DDX25: variants seen among roughly 807,000 people sequenced by gnomAD.
DDX25 encodes ATP-dependent RNA helicase DDX25.
Under a neutral mutation model 64.6 loss-of-function variants are expected in DDX25, and 70 were observed. The observed-to-expected ratio is 1.08, with a 90% confidence interval of 0.89 to 1.32. The LOEUF (loss-of-function observed/expected upper bound fraction) is 1.32. Among genes scored for constraint, DDX25 ranks in the 40% most tolerant of loss-of-function variants. The probability of loss-of-function intolerance (pLI) is 0.00; values close to 1 mark genes in which losing one functional copy is unlikely to be tolerated. For synonymous variants in DDX25, 211 were observed against 213.3 expected, an observed-to-expected ratio of 0.99 and a Z score of 0.09; for missense variants, 587 against 604.4, an observed-to-expected ratio of 0.97 and a Z score of 0.30.
intron 1 of DDX25, 43 bp downstream of exon 1, chr11:125,904,623 G>GCTCC (rs1237276035): frequency 1.4e-6 from 2 of 1,420,114 alleles, no homozygotes; most frequent in Admixed American, 5.5e-5. Context: ...CGGGGGTGGA[G>GCTCC]CTCCCACTCG....
At position 125,908,199 on chromosome 11, in the gene DDX25, G is replaced by T; in HGVS notation, c.315G>T (p.Lys105Asn). Residue 105 changes from lysine (K) to asparagine (N), a missense_variant, in exon 5 of 12, where the codon AAG becomes AAT. Transcript: ENST00000263576. ...GTTTGATTTTTTTTTTTGACAGAAA[G>T]GAAGAGTTACTAAAAGGAATCTATG... ...SVKTFEELRL[K>N]EELLKGIYAM... 2 of 1,599,120 alleles carry T rather than the reference G, an allele frequency of 1.3e-6. No individual in the cohort carries two copies. Among genetic ancestry groups the T allele is most frequent in the African/African-American group, 1.3e-5 (1 of 74,580 alleles).
chr11:125,911,192 C>A, intron 7 of DDX25, 119 bp from the exon 8 acceptor site: 1 of 1,002,962 alleles, frequency 1.0e-6, no homozygotes. Flanking sequence ...GGGGTTTCCA[C>A]TTGGAAAATT....
At chr11:125,911,169 C>A in intron 7 of DDX25, 142 bp from the exon 8 acceptor site, 1 of 767,836 alleles carries the variant, frequency 1.3e-6, no homozygotes, top group South Asian at 6.2e-5. Flanking sequence ...AATCAAAAAC[C>A]ACAATGACCC....
At chr11:125,918,526 A>G (rs1276989260) in intron 9 of DDX25, 102 bp from the exon 10 acceptor site, 10 of 1,441,796 alleles carry the variant, frequency 6.9e-6, no homozygotes, top group Non-Finnish European at 9.3e-6. Flanking sequence ...ACTCCTCTGC[A>G]GCCCTCTCCC....
intron 9 of DDX25, 79 bp from the exon 10 acceptor site, chr11:125,918,549 C>G: frequency 6.5e-7 from 1 of 1,528,658 alleles, no homozygotes; most frequent in Non-Finnish European, 8.8e-7. Context: ...CCCCGCCCTG[C>G]ATGCATGGTG....
At chr11:125,915,160 TTAAG>T (rs1253380452) in intron 8 of DDX25, among the ~76,000 whole-genome samples, 4 of 152,326 alleles carry the variant, frequency 2.6e-5, no homozygotes, top group Non-Finnish European at 5.9e-5. Flanking sequence ...CAAGAGAATA[TTAAG>T]TAATAATTAG....
intron 11 of DDX25, chr11:125,922,590 C>T (rs1945128844): frequency 2.3e-6 from 1 of 426,000 alleles, no homozygotes; most frequent in Admixed American, 4.1e-5. Context: ...CTCCTCACTT[C>T]CACTCTGGCC....
rs184911278 is a variant in DDX25, at chr11:125,913,043, A to T, written c.800+1555A>T. On this transcript the variant is annotated intron_variant, in intron 8 of 11. Coordinates refer to ENST00000263576, the MANE Select transcript of DDX25 (RefSeq NM_013264.5). ...CATGGTGGCAGACGCCTGTAGTCCCAGCTACTTGGGAGGCTGAGGCAGGAG... is the reference window on the plus strand; with the variant it reads ...CATGGTGGCAGACGCCTGTAGTCCCTGCTACTTGGGAGGCTGAGGCAGGAG... 6.6e-5 allele frequency among the ~76,000 whole-genome samples: 10 copies of T among 151,920 alleles called. 1 individual carries two copies. The highest frequency in any genetic ancestry group is 6.6e-4 in the Admixed American group (10 of 15,238).
At position 125,921,362 on chromosome 11, in the gene DDX25, A is replaced by C; in HGVS notation, c.1373A>C (p.Lys458Thr). Residue 458 changes from lysine to threonine, a missense_variant, in exon 11 of 12, where the codon AAA (lysine) becomes ACA (threonine). Physicochemically the swap from Lys to Thr is moderately conservative, Grantham distance 78. Coordinates refer to ENST00000263576, the MANE Select transcript of DDX25 (RefSeq NM_013264.5). The surrounding 1 kb of genome is among the most constrained non-coding windows in gnomAD (Gnocchi z 4.1). Reference sequence around the variant, plus strand: ...GTAGATGAGCTGCCCTCGCTCATGAAAATCCAGGACCACTTTAGTAAGTAG... The same window carrying C: ...GTAGATGAGCTGCCCTCGCTCATGACAATCCAGGACCACTTTAGTAAGTAG... ...IEVDELPSLM[K>T]IQDHFNSSIK... 4 of 1,613,794 alleles carry C rather than the reference A, an allele frequency of 2.5e-6. No homozygotes were observed. The highest frequency in any genetic ancestry group is 2.5e-6 in the Non-Finnish European group (3 of 1,179,826).
At chr11:125,920,888 G>C (rs1312317778) in intron 10 of DDX25, 1 of 252,452 alleles carries the variant, frequency 4.0e-6, no homozygotes, top group Non-Finnish European at 7.6e-6. Context: ...CTGTGGGCTT[G>C]GTGAGGGCAC....
chr11:125,928,573 T>C lies in DDX25; in HGVS notation c.*5692T>C, dbSNP rs1240227656. On this transcript the variant is annotated 3_prime_UTR_variant, in exon 12 of 12. Transcript: ENST00000263576. ...GCATTCAGTAGACTGGCTATACCAATATATAGTTGCACAGCAAATTCACCT... is the reference window on the plus strand; with the variant it reads ...GCATTCAGTAGACTGGCTATACCAACATATAGTTGCACAGCAAATTCACCT... 2 of 152,240 alleles carry C rather than the reference T, an allele frequency of 1.3e-5. No individual in the cohort carries two copies. 9.4% of individuals were successfully genotyped at this position (152,240 alleles called of 1,614,324 possible). A position where few individuals can be genotyped will look rare whatever the true frequency, so the allele number is the denominator to read the frequency against.
At chr11:125,905,154 A>AC (rs1944865773) in intron 1 of DDX25, 58 bp from the exon 2 acceptor site, 3 of 1,483,186 alleles carry the variant, frequency 2.0e-6, no homozygotes, top group Non-Finnish European at 2.8e-6. Context: ...GTAGGGAAGC[A>AC]CTGGGCTGCT....
chr11:125,919,054 G>A (rs749286175), intron 10 of DDX25, among the ~76,000 whole-genome samples: 1 of 151,948 alleles, frequency 6.6e-6, no homozygotes, highest in Non-Finnish European at 1.5e-5. Flanking sequence ...ACTGTATATA[G>A]CCTTTGTGTA....
intron 4 of DDX25, among the ~76,000 whole-genome samples, chr11:125,906,943 T>A (rs569002627): frequency 1.7e-4 from 26 of 152,160 alleles, no homozygotes; most frequent in African/African-American, 6.0e-4. Context: ...GGGGGATAGA[T>A]AGCTAAGCTA....
intron 1 of DDX25, 125 bp downstream of exon 1, chr11:125,904,705 G>T: frequency 8.8e-7 from 1 of 1,141,516 alleles, no homozygotes; most frequent in Non-Finnish European, 1.2e-6. Context: ...TGCTGGAGGG[G>T]AGATGCGGGA....
At chr11:125,909,894 C>T (rs1037883278) in intron 6 of DDX25, among the ~76,000 whole-genome samples, 2 of 152,102 alleles carry the variant, frequency 1.3e-5, no homozygotes, top group East Asian at 1.9e-4. Flanking sequence ...TCAGGTGATC[C>T]GCCCACCTCA....
At chr11:125,905,090 T>C in intron 1 of DDX25, 122 bp from the exon 2 acceptor site, 1 of 836,994 alleles carries the variant, frequency 1.2e-6, no homozygotes, top group Non-Finnish European at 1.9e-6. Flanking sequence ...TACCTAATAT[T>C]GCAAAGGAAG....
rs1565462162 is a variant in DDX25 at position 125,906,215 on chromosome 11, T to C, written c.311+6T>C. ...ACATTTGAAGAGCTGCGGCTGTGAG[T>C]ATTTTTACTCTTTTAATATGGGAAA... On this transcript the variant is annotated splice_donor_region_variant and intron_variant, in intron 4 of 11. Transcript: ENST00000263576. 1 of 1,532,132 alleles carries C rather than the reference T, an allele frequency of 6.5e-7. No homozygotes were observed. The highest frequency in any genetic ancestry group is 8.8e-7 in the Non-Finnish European group (1 of 1,141,710). 94.9% of individuals were successfully genotyped at this position (1,532,132 alleles called of 1,614,324 possible). A position where few individuals can be genotyped will look rare whatever the true frequency, so the allele number is the denominator to read the frequency against.
intron 10 of DDX25, among the ~76,000 whole-genome samples, chr11:125,920,075 T>C (rs1156426390): frequency 6.6e-6 from 1 of 152,080 alleles, no homozygotes; most frequent in Non-Finnish European, 1.5e-5. Flanking sequence ...AGCTTGTTAA[T>C]GTTGAGAAGG....
Sources: allele counts gnomAD v4.1 joint callset (sites outside exome capture counted in the v4.1 genomes callset), GRCh38; gene constraint gnomAD v4.1.1; non-coding constraint Gnocchi (gnomAD v3.1); transcripts MANE v1.5; gene names NCBI Gene and HGNC (gene_info 2026-07-23, HGNC 2026-07-21).